TRAT1: variants seen among roughly 807,000 people sequenced by gnomAD.
TRAT1 encodes T-cell receptor-associated transmembrane adapter 1.
Under a neutral mutation model 20.0 loss-of-function variants are expected in TRAT1, and 20 were observed. The observed-to-expected ratio is 1.00, with a 90% CI of 0.70 to 1.45. The LOEUF is 1.45. TRAT1 is among the 40% of genes most tolerant of loss of function. TRAT1 has a pLI of 0.00. For missense variants in TRAT1, 237 were observed against 224.1 expected, an observed-to-expected ratio of 1.06 and a Z score of -0.37; for synonymous variants, 77 against 74.2, an observed-to-expected ratio of 1.04 and a Z score of -0.20.
chr3:108,838,772 A>C (rs370003389), intron 2 of TRAT1, among the ~76,000 whole-genome samples, 162 bp from the exon 3 acceptor site: 1 of 152,028 alleles, frequency 6.6e-6, no homozygotes, highest in African/African-American at 2.4e-5. Context: ...GATTGGCCCA[A>C]GAGGAGACCT....
chr3:108,852,217 C>T (rs1406493506), intron 5 of TRAT1, among the ~76,000 whole-genome samples: 1 of 152,138 alleles, frequency 6.6e-6, no homozygotes. Context: ...TCCGTCTCTA[C>T]TAAAAATACA....
At chr3:108,826,811 C>T (rs977980953) in intron 1 of TRAT1, among the ~76,000 whole-genome samples, 1 of 152,124 alleles carries the variant, frequency 6.6e-6, no homozygotes, top group African/African-American at 2.4e-5. Context: ...TAAAGATAGC[C>T]TGAAGTAAAA....
chr3:108,853,785 TC>T lies in TRAT1; in HGVS notation c.473del (p.Pro158GlnfsTer6), dbSNP rs1435519500. 8 of 1,613,988 alleles carry T rather than the reference TC, an allele frequency of 5.0e-6. No individual in the cohort carries two copies. In the African/African-American group the frequency reaches 9.3e-5, roughly 19 times the overall value. Reference protein sequence around the residue: ...VSKTTLVDSFSPESQAVEENI... With the variant: ...VSKTTLVDSFXPESQAVEENI... ...TAAGACCACCTTAGTAGACAGTTTC[TC>T]CCCAGAAAGCCAGGCAGTAGAGGAA... On this transcript the variant is annotated frameshift_variant, in exon 6 of 6. Coordinates refer to ENST00000295756, the MANE Select transcript of TRAT1 (RefSeq NM_016388.4). LOFTEE classifies it high-confidence loss of function.
intron 3 of TRAT1, among the ~76,000 whole-genome samples, chr3:108,844,945 T>C (rs1414522489): frequency 6.6e-6 from 1 of 151,798 alleles, no homozygotes; most frequent in East Asian, 1.9e-4. Flanking sequence ...TTTTTCTTAA[T>C]TTTGGAGTGT....
At chr3:108,830,635 T>A in intron 1 of TRAT1, 35 bp from the exon 2 acceptor site, 1 of 1,381,916 alleles carries the variant, frequency 7.2e-7, no homozygotes, top group Non-Finnish European at 1.0e-6. Context: ...GGTAAGCAGC[T>A]GTTATATTAT....
intron 3 of TRAT1, among the ~76,000 whole-genome samples, chr3:108,839,610 C>T (rs1945873913): frequency 6.7e-6 from 1 of 150,202 alleles, no homozygotes; most frequent in Non-Finnish European, 1.5e-5. Context: ...GGCACCACTG[C>T]ACTCCAGCTG....
chr3:108,839,183 G>A, intron 3 of TRAT1: 2 of 526,578 alleles, frequency 3.8e-6, no homozygotes, highest in Non-Finnish European at 6.7e-6. Context: ...AAGAAAGCTG[G>A]TTGAAGGATA....
At chr3:108,824,040 T>C (rs992157365) in intron 1 of TRAT1, among the ~76,000 whole-genome samples, 10 of 152,124 alleles carry the variant, frequency 6.6e-5, no homozygotes, top group Non-Finnish European at 1.5e-4. Context: ...CCTGGCTAAT[T>C]TTTGTATTTC....
intron 1 of TRAT1, among the ~76,000 whole-genome samples, chr3:108,827,482 C>G (rs2715712): frequency 0.014 from 2,080 of 150,672 alleles, 47 homozygotes; most frequent in African/African-American, 0.048. Flanking sequence ...TAATATCTAC[C>G]CTTCTCATGT....
chr3:108,830,810 ACCTG>A, intron 2 of TRAT1, 30 bp downstream of exon 2: 1 of 1,434,532 alleles, frequency 7.0e-7, no homozygotes, highest in Non-Finnish European at 9.8e-7. Flanking sequence ...TTCACATGGT[ACCTG>A]CTTGAATGGA....
In TRAT1 at chr3:108,838,973, T is replaced by C. The variant is rs7651205; in HGVS notation, c.152+6T>C. On this transcript the variant is annotated splice_donor_region_variant and intron_variant, in intron 3 of 5. Transcript: ENST00000295756. ...TACTCCAGTGACCACACCAGGTATGTTGTGATTCAGTCATGGATCATGATT... is the reference window on the plus strand; with the variant it reads ...TACTCCAGTGACCACACCAGGTATGCTGTGATTCAGTCATGGATCATGATT... The C allele has an allele frequency of 0.51, 807,547 of 1,593,046 alleles. 215,217 individuals are homozygous for C. Among genetic ancestry groups the C allele is most frequent in the East Asian group, 0.87 (39,104 of 44,730 alleles).
intron 2 of TRAT1, among the ~76,000 whole-genome samples, chr3:108,831,236 A>G (rs1026351612): frequency 6.6e-6 from 1 of 152,196 alleles, no homozygotes; most frequent in African/African-American, 2.4e-5. Flanking sequence ...AGACGACTGG[A>G]AAAGGAAGAG....
At position 108,853,667 on chromosome 3, in the gene TRAT1, T is replaced by G; in HGVS notation, c.351T>G (p.Val117=). 6.2e-7 allele frequency: 1 copy of G among 1,614,088 alleles called. No individual in the cohort carries two copies. Among genetic ancestry groups the G allele is most frequent in the Non-Finnish European group, 8.5e-7 (1 of 1,179,976 alleles). The change falls in exon 6 of 6, where the codon GTT becomes GTG. Residue 117 remains valine, a synonymous_variant. Transcript: ENST00000295756. ...GCTACGCCTCACTTGATCACAGCGT[T>G]AAGGGGAAGCGTAGAAAGCCCAGGA... is the stretch of plus-strand genomic sequence containing the variant. ...QMCYASLDHS[V]KGKRRKPRKQ...
chr3:108,844,094 C>G (rs578204545), intron 3 of TRAT1, among the ~76,000 whole-genome samples: 5 of 152,308 alleles, frequency 3.3e-5, no homozygotes, highest in South Asian at 2.1e-4. Context: ...GATCCCAAAG[C>G]TTGTCCTTTC....
intron 1 of TRAT1, among the ~76,000 whole-genome samples, chr3:108,827,253 T>A (rs1209163340): frequency 1.3e-5 from 2 of 152,112 alleles, no homozygotes; most frequent in African/African-American, 4.8e-5. Flanking sequence ...GGGTAAAAAA[T>A]TTTAAGCACT....
intron 1 of TRAT1, among the ~76,000 whole-genome samples, chr3:108,824,641 T>C (rs373788516): frequency 3.3e-5 from 5 of 152,246 alleles, no homozygotes; most frequent in African/African-American, 1.2e-4. Flanking sequence ...TCCATTGTTC[T>C]GTTTGATGGA....
chr3:108,851,268 G>A (rs1044637585), intron 5 of TRAT1, among the ~76,000 whole-genome samples: 2 of 152,158 alleles, frequency 1.3e-5, no homozygotes, highest in Non-Finnish European at 2.9e-5. Context: ...TGAAAATGAT[G>A]TGTACAGTTC....
At chr3:108,850,579 C>T (rs562880958) in intron 5 of TRAT1, among the ~76,000 whole-genome samples, 2 of 152,274 alleles carry the variant, frequency 1.3e-5, no homozygotes, top group Admixed American at 6.5e-5. Flanking sequence ...GCTGGGATTA[C>T]AGGCATGAGC....
chr3:108,832,352 C>A (rs1945802338), intron 2 of TRAT1, among the ~76,000 whole-genome samples: 1 of 152,152 alleles, frequency 6.6e-6, no homozygotes, highest in African/African-American at 2.4e-5. Context: ...TTATGACAAG[C>A]AATCTTTTTC....
Sources: gnomAD v4.1 joint callset for allele counts (sites outside exome capture counted in the v4.1 genomes callset) on GRCh38, gnomAD v4.1.1 for gene constraint, MANE v1.5 for transcripts, NCBI Gene and HGNC (gene_info 2026-07-23, HGNC 2026-07-21) for gene names.